TOX: variants seen among roughly 807,000 people sequenced by gnomAD.
TOX encodes the protein thymocyte selection-associated high mobility group box protein TOX.
Under a neutral mutation model 53.7 loss-of-function variants are expected in TOX, and 11 were observed. The observed-to-expected ratio is 0.20, with a 90% CI of 0.13 to 0.34. The LOEUF (loss-of-function observed/expected upper bound fraction) is 0.34, where lower values mean the gene tolerates loss of function less well. Among genes scored for constraint, TOX ranks in the 10% least tolerant of loss-of-function variants. TOX has a pLI of 1.00. For synonymous variants in TOX, 225 were observed against 245.3 expected (o/e 0.92, Z 0.77); for missense variants, 570 against 664.6 (o/e 0.86, Z 1.56).
intron 1 of TOX, among the ~76,000 whole-genome samples, chr8:59,063,898 A>ATGTG (rs35691859): frequency 0.069 from 10,419 of 151,372 alleles, 1,030 homozygotes; most frequent in African/African-American, 0.22. Context: ...TAAATCATGT[A>ATGTG]TGTGTGTGTG....
chr8:58,941,722 T>C (rs1462957049), intron 2 of TOX, among the ~76,000 whole-genome samples: 1 of 152,156 alleles, frequency 6.6e-6, no homozygotes, highest in Non-Finnish European at 1.5e-5. Context: ...GCTGAATTGT[T>C]GACATCTATC....
chr8:59,068,599 T>G (rs760856743), intron 1 of TOX, among the ~76,000 whole-genome samples: 3 of 152,224 alleles, frequency 2.0e-5, no homozygotes, highest in African/African-American at 7.2e-5. Context: ...GCATTCTGAG[T>G]GTTTTACAGG....
intron 1 of TOX, among the ~76,000 whole-genome samples, chr8:59,105,324 C>G (rs1474726497): frequency 1.3e-5 from 2 of 152,112 alleles, no homozygotes; most frequent in Non-Finnish European, 2.9e-5. Context: ...ACCAGAATAT[C>G]ATCTTTAAAA....
chr8:58,938,915 C>T (rs1335535405), intron 3 of TOX, among the ~76,000 whole-genome samples: 1 of 152,192 alleles, frequency 6.6e-6, no homozygotes, highest in African/African-American at 2.4e-5. Flanking sequence ...TCAAGGTTAA[C>T]AGCAGCTGCA....
At chr8:58,937,135 C>A (rs1812358669) in intron 3 of TOX, among the ~76,000 whole-genome samples, 1 of 152,200 alleles carries the variant, frequency 6.6e-6, no homozygotes, top group Non-Finnish European at 1.5e-5. Context: ...AGGAGACGTG[C>A]AGCTCCAGAA....
At chr8:58,903,581 A>G (rs1811764674) in intron 3 of TOX, among the ~76,000 whole-genome samples, 1 of 152,190 alleles carries the variant, frequency 6.6e-6, no homozygotes, top group Non-Finnish European at 1.5e-5. Flanking sequence ...CATCAATTCC[A>G]GGAATATTCA....
At chr8:59,093,977 G>A (rs1027715250) in intron 1 of TOX, among the ~76,000 whole-genome samples, 10 of 152,056 alleles carry the variant, frequency 6.6e-5, no homozygotes, top group African/African-American at 2.2e-4. Flanking sequence ...AAGAGTGATG[G>A]CTGTATTAAT....
chr8:58,812,435 G>A (rs1023664374), intron 7 of TOX, among the ~76,000 whole-genome samples: 2 of 152,066 alleles, frequency 1.3e-5, no homozygotes, highest in South Asian at 4.1e-4. Flanking sequence ...CTCCCAGCTA[G>A]AGTCCCCTTT....
chr8:58,961,691 C>T (rs555550144), intron 1 of TOX, among the ~76,000 whole-genome samples: 10 of 152,158 alleles, frequency 6.6e-5, no homozygotes, highest in Non-Finnish European at 1.5e-4. Flanking sequence ...CCATGCCCAG[C>T]TAATTTTTGT....
At chr8:58,846,637 T>A (rs868595643) in intron 4 of TOX, among the ~76,000 whole-genome samples, 1 of 152,110 alleles carries the variant, frequency 6.6e-6, no homozygotes, top group Non-Finnish European at 1.5e-5. Context: ...AGCACATGCA[T>A]TGATGAACTA....
intron 1 of TOX, among the ~76,000 whole-genome samples, chr8:59,000,425 A>G (rs2129418074): frequency 6.6e-6 from 1 of 152,254 alleles, no homozygotes; most frequent in African/African-American, 2.4e-5. Flanking sequence ...GTTCATTGGG[A>G]AAAAAATGAG....
rs186964047 is a variant in TOX, at chr8:59,060,488, G to A, written c.102+58398C>T. 1.8e-4 allele frequency among the ~76,000 whole-genome samples: 28 copies of A among 152,278 alleles called. No individual in the cohort carries two copies. The East Asian group carries it at 2.7e-3, about 15-fold the overall frequency. On this transcript the variant is annotated intron_variant, in intron 1 of 8. Transcript: ENST00000361421. ...TAAAAATACAAAACATTAGCCGGGC[G>A]TGCTGGCACGTGCCTGTAGTCCCAG...
chr8:58,860,579 A>G (rs1319158198), intron 3 of TOX, among the ~76,000 whole-genome samples: 3 of 152,182 alleles, frequency 2.0e-5, no homozygotes, highest in Non-Finnish European at 4.4e-5. Context: ...TTCGGTTATT[A>G]TCCTTGAGTT....
chr8:59,068,122 A>T (rs1804127416), intron 1 of TOX, among the ~76,000 whole-genome samples: 1 of 152,240 alleles, frequency 6.6e-6, no homozygotes. Context: ...AATTTAGAAG[A>T]TGCTAAAATT....
chr8:59,018,047 T>A (rs1814048883), intron 1 of TOX, among the ~76,000 whole-genome samples: 1 of 152,150 alleles, frequency 6.6e-6, no homozygotes, highest in Admixed American at 6.5e-5. Flanking sequence ...AGGCTTTATT[T>A]TTTATATTTT....
rs533806943 is a variant in TOX at position 58,810,157 on chromosome 8, A to AATTTATTT, written c.1393-1896_1393-1889dup. Among the ~76,000 whole-genome samples the AATTTATTT allele has an allele frequency of 1.4e-3, 211 of 151,518 alleles. 9 individuals carry two copies. The South Asian group carries it at 0.038, about 28-fold the overall frequency. On this transcript the variant is annotated intron_variant, in intron 7 of 8. Transcript: ENST00000361421. ...TGTGCCACTATGCCTGGCTAATTTA[A>AATTTATTT]ATTTATTTATTTATTTATTTATTTA...
At position 58,805,535 on chromosome 8, in the gene TOX, C is replaced by G. The variant is rs1443136283; in HGVS notation, c.*2212G>C. 6.6e-6 allele frequency: 1 copy of G among 152,614 alleles called. No homozygotes were observed. The highest frequency in any genetic ancestry group is 1.9e-4 in the East Asian group (1 of 5,196). The allele number at this position is 152,614 out of a possible 1,614,324, so 9.5% of individuals were successfully genotyped here. A position where few individuals can be genotyped will look rare whatever the true frequency, so the allele number is the denominator to read the frequency against. ...TGGTCGCACAGCTGCTCTAGAAAAG[C>G]TGTAAACAACACGGCACTGTGCTTT... On this transcript the variant is annotated 3_prime_UTR_variant, in exon 9 of 9. Transcript: ENST00000361421.
chr8:58,841,006 C>T (rs776422750), intron 4 of TOX, among the ~76,000 whole-genome samples: 14 of 152,132 alleles, frequency 9.2e-5, no homozygotes, highest in East Asian at 7.7e-4. Flanking sequence ...TAATTGGTAG[C>T]GATTCCTGAT....
chr8:58,824,367 A>G (rs1428250061), intron 6 of TOX, among the ~76,000 whole-genome samples: 1 of 152,194 alleles, frequency 6.6e-6, no homozygotes, highest in East Asian at 1.9e-4. Context: ...CTTTGTACTG[A>G]GAATGAACCC....
Sources: gnomAD v4.1 joint callset for allele counts (sites outside exome capture counted in the v4.1 genomes callset) on GRCh38, gnomAD v4.1.1 for gene constraint, MANE v1.5 for transcripts, NCBI Gene and HGNC (gene_info 2026-07-23, HGNC 2026-07-21) for gene names.